DRC3: variants seen among roughly 807,000 people sequenced by gnomAD.
DRC3 encodes the protein leucine rich repeat containing 48.
DRC3 carries 45 observed loss-of-function variants against 57.6 expected under a neutral mutation model. That is an observed-to-expected ratio of 0.78 (90% CI 0.62 to 1.00). DRC3 has a LOEUF of 1.00. Among genes scored for constraint, DRC3 ranks in the 50% least tolerant of loss-of-function variants. The probability of loss-of-function intolerance (pLI) is 0.00; values close to 1 mark genes in which losing one functional copy is unlikely to be tolerated. For synonymous variants in DRC3, 257 were observed against 272.3 expected (o/e 0.94, Z 0.55); for missense variants, 655 against 675.2 (o/e 0.97, Z 0.33).
intron 5 of DRC3, 180 bp downstream of exon 5, chr17:17,988,278 T>TG (rs570452758): frequency 4.6e-6 from 3 of 649,060 alleles, no homozygotes; most frequent in Admixed American, 3.4e-5. Flanking sequence ...AATACCATGC[T>TG]TACCCAACAA....
At chr17:18,014,373 G>A (rs1468755008) in intron 12 of DRC3, among the ~76,000 whole-genome samples, 1 of 152,218 alleles carries the variant, frequency 6.6e-6, no homozygotes, top group East Asian at 1.9e-4. Flanking sequence ...CTTTCAACCT[G>A]CAGAAACTGG....
At chr17:18,001,642 T>C (rs542492952) in intron 9 of DRC3, among the ~76,000 whole-genome samples, 2 of 152,066 alleles carry the variant, frequency 1.3e-5, no homozygotes, top group East Asian at 3.9e-4. Context: ...GAATGAAAAA[T>C]TTTTTTGGCT....
rs2043399959 is a variant in DRC3 at position 17,995,053 on chromosome 17, G to A, written c.766G>A (p.Glu256Lys). The A allele has an allele frequency of 1.2e-6, 2 of 1,613,842 alleles. No homozygotes were observed. Among genetic ancestry groups the A allele is most frequent in the South Asian group, 2.2e-5 (2 of 91,080 alleles). Residue 256 changes from glutamate (E) to lysine (K), a missense_variant, in exon 8 of 14, where the codon GAG (glutamate) becomes AAG (lysine). By Grantham distance (56) the Glu-to-Lys change is moderately conservative. Transcript: ENST00000399187. The part of the protein sequence containing the change: ...GSFLFDSMYA[E>K]DSEGNNLSYL... ...CTTCCTGTTTGACAGCATGTACGCT[G>A]AGGACTCAGAGGGCAACAATCTGTC...
At chr17:17,980,719 A>G (rs1048475168) in intron 3 of DRC3, among the ~76,000 whole-genome samples, 2 of 149,698 alleles carry the variant, frequency 1.3e-5, no homozygotes, top group Admixed American at 1.3e-4. Flanking sequence ...CTCAGCCTCC[A>G]GAGTAGCTGG....
At chr17:17,996,939 C>T (rs947983616) in intron 8 of DRC3, among the ~76,000 whole-genome samples, 1 of 152,184 alleles carries the variant, frequency 6.6e-6, no homozygotes, top group South Asian at 2.1e-4. Context: ...GGTGAAGTGA[C>T]TTGCCAGGGT....
intron 3 of DRC3, among the ~76,000 whole-genome samples, chr17:17,980,243 GTT>G (rs925462163): frequency 6.7e-6 from 1 of 148,672 alleles, no homozygotes; most frequent in African/African-American, 2.5e-5. Flanking sequence ...TGGACTGTAT[GTT>G]TTTTTTTTGT....
intron 12 of DRC3, among the ~76,000 whole-genome samples, chr17:18,013,443 C>T (rs955862560): frequency 1.3e-5 from 2 of 152,178 alleles, no homozygotes; most frequent in African/African-American, 4.8e-5. Context: ...GGTACCTATA[C>T]ACAATGGAAT....
Position 17,977,610 on chromosome 17 carries a change from G to T in DRC3, c.12G>T (p.Pro4=), listed in dbSNP as rs373716910. The change falls in exon 3 of 14, where the codon CCG becomes CCT. Residue 4 remains proline, a synonymous_variant. Coordinates refer to ENST00000399187, the MANE Select transcript of DRC3 (RefSeq NM_031294.4). MNQ[P]CNSMEPRVMD... Reference sequence around the variant, plus strand: ...AAACGTGGGGGAAGATGAACCAGCCGTGCAACTCGATGGAGCCGAGGGTGA... The same window carrying T: ...AAACGTGGGGGAAGATGAACCAGCCTTGCAACTCGATGGAGCCGAGGGTGA... The T allele has an allele frequency of 8.1e-6, 13 of 1,613,942 alleles. No homozygotes were observed. The highest frequency in any genetic ancestry group is 1.1e-5 in the Non-Finnish European group (13 of 1,179,882).
At chr17:17,982,096 G>A (rs531699177) in intron 3 of DRC3, among the ~76,000 whole-genome samples, 172 of 151,222 alleles carry the variant, frequency 1.1e-3, no homozygotes, top group Non-Finnish European at 2.2e-3. Flanking sequence ...GGGTTCAAGC[G>A]ATTCTCCTGC....
chr17:17,991,457 A>ATTT (rs1056478568), intron 5 of DRC3, among the ~76,000 whole-genome samples: 1 of 144,186 alleles, frequency 6.9e-6, no homozygotes, highest in African/African-American at 2.5e-5. Flanking sequence ...TGCCCGGCTA[A>ATTT]TTTTTTTTTT....
chr17:18,002,347 C>G (rs1276224622), intron 9 of DRC3, among the ~76,000 whole-genome samples: 1 of 152,162 alleles, frequency 6.6e-6, no homozygotes, highest in African/African-American at 2.4e-5. Flanking sequence ...TGCTGTTACT[C>G]CATCCTCCTT....
chr17:17,980,226 C>T (rs1204095931), intron 3 of DRC3, among the ~76,000 whole-genome samples: 6 of 152,054 alleles, frequency 3.9e-5, no homozygotes, highest in Admixed American at 2.6e-4. Flanking sequence ...AATATTGAAA[C>T]GGCAGCTGGA....
At chr17:18,007,394 A>G in intron 12 of DRC3, 1 of 1,551,544 alleles carries the variant, frequency 6.4e-7, no homozygotes, top group Non-Finnish European at 8.7e-7. Flanking sequence ...CAACTTTCCA[A>G]CAGGGTCGTT....
chr17:18,009,470 G>C (rs1317939190), intron 12 of DRC3, among the ~76,000 whole-genome samples: 1 of 152,248 alleles, frequency 6.6e-6, no homozygotes, highest in Non-Finnish European at 1.5e-5. Context: ...CTGAGGGCCA[G>C]CCCTCTGGGA....
intron 4 of DRC3, among the ~76,000 whole-genome samples, chr17:17,985,777 G>A (rs1362813748): frequency 6.6e-6 from 1 of 152,200 alleles, no homozygotes; most frequent in Non-Finnish European, 1.5e-5. Context: ...CTAGGGGGTA[G>A]GCTAAGCCTC....
chr17:17,978,190 G>A (rs1291423006), intron 3 of DRC3, among the ~76,000 whole-genome samples: 1 of 152,154 alleles, frequency 6.6e-6, no homozygotes, highest in Non-Finnish European at 1.5e-5. Flanking sequence ...TTCAGGGAAG[G>A]GGTGACCAAA....
At chr17:18,005,980 G>A in intron 10 of DRC3, 1 of 576,072 alleles carries the variant, frequency 1.7e-6, no homozygotes. Context: ...GATGGTGAGG[G>A]AGTTAATATG....
chr17:17,979,326 G>A (rs2145202992), intron 3 of DRC3, among the ~76,000 whole-genome samples: 1 of 152,310 alleles, frequency 6.6e-6, no homozygotes, highest in East Asian at 1.9e-4. Context: ...ACCCCGGGAG[G>A]GTCCTGAGCA....
chr17:17,991,278 G>C, intron 5 of DRC3, among the ~76,000 whole-genome samples: 1 of 133,756 alleles, frequency 7.5e-6, no homozygotes, highest in South Asian at 2.7e-4. Flanking sequence ...ATCCAATGAA[G>C]TATTGCTTTT....
Sources: gnomAD v4.1 joint callset for allele counts (sites outside exome capture counted in the v4.1 genomes callset) on GRCh38, gnomAD v4.1.1 for gene constraint, MANE v1.5 for transcripts, NCBI Gene and HGNC (gene_info 2026-07-23, HGNC 2026-07-21) for gene names.